The following RPGR variants were observed in gnomAD, a reference collection of about 807,000 sequenced individuals.
The protein encoded by RPGR is retinitis pigmentosa GTPase regulator.
A neutral mutation model predicts 56.3 loss-of-function variants in RPGR; 10 were observed. The ratio of observed to expected loss-of-function variants is 0.18; its 90% CI spans 0.11 to 0.30. The LOEUF (loss-of-function observed/expected upper bound fraction) is 0.30. RPGR is among the 10% of genes least tolerant of loss of function. The pLI is 1.00. For synonymous variants in RPGR, 197 were observed against 212.9 expected (o/e 0.93, Z 0.65); for missense variants, 538 against 590.9 (o/e 0.91, Z 0.93).
At chrX:38,322,581 A>T (rs2067966216) in intron 3 of RPGR, among the ~76,000 whole-genome samples, 1 of 112,347 alleles carries the variant, frequency 8.9e-6, no homozygotes, top group South Asian at 3.6e-4. Flanking sequence ...ACTAACAAAC[A>T]AACAAAAAAA....
chrX:38,302,060 C>T (rs2067510940), intron 8 of RPGR, among the ~76,000 whole-genome samples: 1 of 111,914 alleles, frequency 8.9e-6, no homozygotes, highest in African/African-American at 3.2e-5. Context: ...AAAATGCTAA[C>T]TAATTCCTAT....
Position 38,327,399 on chromosome X carries a change from G to A in RPGR, c.-32C>T. ...GGCAGTACGGGCAGCCTGCGCCGGG[G>A]CCAGGAGGCTGTAGAGGACGGTTTG... On this transcript the variant is annotated 5_prime_UTR_variant, in exon 1 of 19. Transcript: ENST00000642395. 8.6e-7 allele frequency: 1 copy of A among 1,166,919 alleles called. No individual in the cohort carries two copies. The highest frequency in any genetic ancestry group is 1.8e-5 in the African/African-American group (1 of 56,414).
At chrX:38,289,388 T>C (rs920355346) in intron 13 of RPGR, among the ~76,000 whole-genome samples, 2 of 112,115 alleles carry the variant, frequency 1.8e-5, no homozygotes, top group Non-Finnish European at 3.8e-5. Flanking sequence ...ACAAAAACTA[T>C]GAAATCAAAC....
chrX:38,279,614 C>T (rs376873211), intron 15 of RPGR, among the ~76,000 whole-genome samples: 2 of 109,250 alleles, frequency 1.8e-5, no homozygotes, highest in East Asian at 5.6e-4. Flanking sequence ...GGAGCTGGTA[C>T]TGTGTTTTTC....
intron 13 of RPGR, among the ~76,000 whole-genome samples, chrX:38,288,634 G>A (rs1569239252): frequency 5.4e-5 from 6 of 111,307 alleles, no homozygotes; most frequent in Admixed American, 2.8e-4. Context: ...GAACCCGGGA[G>A]GCAGAGGTTG....
chrX:38,321,165 G>A, intron 3 of RPGR, 76 bp from the exon 4 acceptor site: 1 of 744,007 alleles, frequency 1.3e-6, no homozygotes, highest in Non-Finnish European at 2.1e-6. Flanking sequence ...TGGTAACTAA[G>A]TGATAGAACC....
chrX:38,307,897 TATG>T (rs2067633344), intron 7 of RPGR, among the ~76,000 whole-genome samples: 2 of 112,114 alleles, frequency 1.8e-5, no homozygotes, highest in Admixed American at 1.9e-4. Context: ...TTCCTTATTT[TATG>T]ATATGATAGT....
intron 11 of RPGR, among the ~76,000 whole-genome samples, chrX:38,293,477 T>C (rs1459085651): frequency 3.6e-5 from 4 of 112,219 alleles, no homozygotes; most frequent in Non-Finnish European, 7.5e-5. Context: ...TGGAATTATA[T>C]GGGAAAATTA....
chrX:38,294,237 T>G (rs1198485735), intron 11 of RPGR, among the ~76,000 whole-genome samples: 1 of 111,776 alleles, frequency 8.9e-6, no homozygotes, highest in Non-Finnish European at 1.9e-5. Context: ...CCTGCCTTAC[T>G]GGCTGAAAAA....
chrX:38,275,186 T>C, intron 16 of RPGR: 2 of 1,116,909 alleles, frequency 1.8e-6, no homozygotes, highest in Non-Finnish European at 2.5e-6. Context: ...AAAATATTTT[T>C]GTGCTGTTCT....
chrX:38,303,493 T>C lies in RPGR; in HGVS notation c.934+1142A>G, dbSNP rs147477795. ...GTTAGATGACAGATTAAAAATAGTA[T>C]GTATCTACTATTAGTGGAAGATTAG... On this transcript the variant is annotated intron_variant, in intron 8 of 18. Coordinates refer to ENST00000642395, the MANE Select transcript of RPGR (RefSeq NM_000328.3). 1.4e-4 allele frequency: 30 copies of C among 217,169 alleles called. 1 individual carries two copies. The East Asian group carries it at 1.7e-3, about 12-fold the overall frequency. 17.9% of individuals were successfully genotyped at this position (217,169 alleles called of 1,213,427 possible). A position where few individuals can be genotyped will look rare whatever the true frequency, so the allele number is the denominator to read the frequency against.
At position 38,301,285 on chromosome X, in the gene RPGR, T is replaced by C; in HGVS notation, c.1021A>G (p.Thr341Ala). 8.3e-7 allele frequency: 1 copy of C among 1,204,670 alleles called. No homozygotes were observed. Among genetic ancestry groups the C allele is most frequent in the Non-Finnish European group, 1.1e-6 (1 of 889,359 alleles). Residue 341 changes from threonine (T) to alanine (A), a missense_variant, in exon 9 of 19, where the codon ACT becomes GCT. By Grantham distance (58) the Thr-to-Ala change is moderately conservative. Transcript: ENST00000642395. ...AACCTCAAAAAATTAGAGCACAAAG[T>C]AGGAATGAAGTGATTGGTAAAATTC...
At chrX:38,301,883 T>G (rs1238851325) in intron 8 of RPGR, among the ~76,000 whole-genome samples, 1 of 111,032 alleles carries the variant, frequency 9.0e-6, no homozygotes, top group African/African-American at 3.3e-5. Flanking sequence ...ACCCACTAAA[T>G]GCCAGTAGGA....
chrX:38,308,004 T>C (rs2067636560), intron 7 of RPGR: 1 of 112,166 alleles, frequency 8.9e-6, no homozygotes, highest in Admixed American at 9.5e-5. Context: ...ACTCAAATTT[T>C]AGATTATTCT....
At chrX:38,320,178 G>C (rs941943188) in intron 4 of RPGR, among the ~76,000 whole-genome samples, 10 of 74,469 alleles carry the variant, frequency 1.3e-4, no homozygotes, top group Non-Finnish European at 2.7e-4. Context: ...CTAAGAGAAA[G>C]AGAAAAGACA....
chrX:38,275,197 A>G (rs1222796755), intron 16 of RPGR: 3 of 1,034,822 alleles, frequency 2.9e-6, no homozygotes, highest in Admixed American at 4.4e-5. Flanking sequence ...GTGCTGTTCT[A>G]GAAAACTTAA....
intron 3 of RPGR, 134 bp from the exon 4 acceptor site, chrX:38,321,223 G>A (rs181698469): frequency 2.1e-5 from 11 of 525,900 alleles, no homozygotes; most frequent in Admixed American, 1.9e-4. Context: ...TGTTCTTAAC[G>A]AGCAAACCAG....
Position 38,290,999 on chromosome X carries a change from T to C in RPGR, c.1532A>G (p.Asn511Ser), listed in dbSNP as rs777543422. Residue 511 changes from asparagine (N) to serine (S), a missense_variant, in exon 13 of 19, where the codon AAT becomes AGT. Around this residue, in one of 2 missense-constraint regions of RPGR, gnomAD observed 357 missense variants for 325.8 expected, o/e 1.10. Coordinates refer to ENST00000642395, the MANE Select transcript of RPGR (RefSeq NM_000328.3). Reference sequence around the variant, plus strand: ...TGGTGATAATTTTAATGACTTTTCATTGGAATTCAGGCTCATGATGTGTGT... The same window carrying C: ...TGGTGATAATTTTAATGACTTTTCACTGGAATTCAGGCTCATGATGTGTGT... 1 of 1,073,075 alleles carries C rather than the reference T, an allele frequency of 9.3e-7. No homozygotes were observed. Among genetic ancestry groups the C allele is most frequent in the Admixed American group, 2.3e-5 (1 of 43,186 alleles). The allele number at this position is 1,073,075 out of a possible 1,213,427, so 88.4% of individuals were successfully genotyped here.
chrX:38,284,388 A>G lies in RPGR; in HGVS notation c.1905+2706T>C. ...CTAATACTAGACAGTTTATCTTTTCATAAAGAATTTCTGACTATATACATT... is the reference window on the plus strand; with the variant it reads ...CTAATACTAGACAGTTTATCTTTTCGTAAAGAATTTCTGACTATATACATT... On this transcript the variant is annotated intron_variant, in intron 15 of 18. Transcript: ENST00000642395. 1 of 665,056 alleles carries G rather than the reference A, an allele frequency of 1.5e-6. No homozygotes were observed. Among genetic ancestry groups the G allele is most frequent in the Non-Finnish European group, 1.8e-6 (1 of 557,873 alleles). The allele number at this position is 665,056 out of a possible 1,213,427, so 54.8% of individuals were successfully genotyped here.
Sources: gnomAD v4.1 joint callset for allele counts (sites outside exome capture counted in the v4.1 genomes callset) on GRCh38, gnomAD v4.1.1 for gene constraint, gnomAD v4.1.1 regional missense constraint, MANE v1.5 for transcripts, NCBI Gene and HGNC (gene_info 2026-07-23, HGNC 2026-07-21) for gene names.